Variants in PRSS38 observed in about 807,000 individuals in gnomAD.
PRSS38 encodes marapsin 2.
In PRSS38, 22 loss-of-function variants were observed where a neutral mutation model predicts 26.8. The ratio of observed to expected loss-of-function variants is 0.82; its 90% CI spans 0.59 to 1.17. The LOEUF is 1.17. Among genes scored for constraint, PRSS38 ranks in the 50% most tolerant of loss-of-function variants. The probability of loss-of-function intolerance (pLI) is 0.00; values close to 1 mark genes in which losing one functional copy is unlikely to be tolerated. For missense variants in PRSS38, 427 were observed against 422.7 expected, an observed-to-expected ratio of 1.01 and a Z score of -0.09; for synonymous variants, 175 against 172.1, an observed-to-expected ratio of 1.02 and a Z score of -0.13.
At position 227,835,874 on chromosome 1, in the gene PRSS38, G is replaced by A. The variant is rs1665231260; in HGVS notation, c.584-9596G>A. Among the ~76,000 whole-genome samples, 3 of 152,170 alleles carry A rather than the reference G, an allele frequency of 2.0e-5. No individual in the cohort carries two copies. In the South Asian group the frequency reaches 6.2e-4, roughly 32 times the overall value. ...ATAATGATTATATGGCATTGTGAATGTACTAAATGCCACTGATTTGTCTGC... is the reference window on the plus strand; with the variant it reads ...ATAATGATTATATGGCATTGTGAATATACTAAATGCCACTGATTTGTCTGC... On this transcript the variant is annotated intron_variant, in intron 3 of 4. Transcript: ENST00000366757.
At chr1:227,836,977 A>G (rs1185163533) in intron 3 of PRSS38, among the ~76,000 whole-genome samples, 3 of 152,076 alleles carry the variant, frequency 2.0e-5, no homozygotes, top group Non-Finnish European at 4.4e-5. Flanking sequence ...CATTTTATTT[A>G]TATATTTATT....
intron 3 of PRSS38, among the ~76,000 whole-genome samples, chr1:227,819,494 T>G (rs1426697519): frequency 1.3e-5 from 2 of 152,196 alleles, no homozygotes; most frequent in African/African-American, 4.8e-5. Context: ...GGACAAAATT[T>G]TTCATATCTA....
At chr1:227,826,835 T>C (rs941069612) in intron 3 of PRSS38, among the ~76,000 whole-genome samples, 1 of 152,220 alleles carries the variant, frequency 6.6e-6, no homozygotes, top group African/African-American at 2.4e-5. Flanking sequence ...CATATATGGC[T>C]CTTATTTTGA....
intron 3 of PRSS38, among the ~76,000 whole-genome samples, chr1:227,833,289 A>T (rs553092144): frequency 6.6e-6 from 1 of 152,226 alleles, no homozygotes; most frequent in Non-Finnish European, 1.5e-5. Context: ...GCACTTTGGG[A>T]GGCCGAGGTG....
At chr1:227,824,904 T>TATTA (rs367902653) in intron 3 of PRSS38, among the ~76,000 whole-genome samples, 201 of 152,348 alleles carry the variant, frequency 1.3e-3, no homozygotes, top group African/African-American at 4.5e-3. Context: ...TTGCTACTTT[T>TATTA]TAATGGGGCT....
chr1:227,833,836 G>A (rs542442122), intron 3 of PRSS38, among the ~76,000 whole-genome samples: 3 of 152,272 alleles, frequency 2.0e-5, no homozygotes, highest in East Asian at 1.9e-4. Flanking sequence ...ATATCAACTC[G>A]AAGTATAAAA....
chr1:227,844,232 T>G (rs902529109), intron 3 of PRSS38, among the ~76,000 whole-genome samples: 1 of 152,128 alleles, frequency 6.6e-6, no homozygotes, highest in African/African-American at 2.4e-5. Flanking sequence ...GTGGTGGGGA[T>G]CCTCCCCAGT....
At chr1:227,835,816 G>A (rs1665230588) in intron 3 of PRSS38, among the ~76,000 whole-genome samples, 2 of 152,180 alleles carry the variant, frequency 1.3e-5, no homozygotes, top group African/African-American at 4.8e-5. Context: ...GGTGACTTTT[G>A]GCTTGATGAA....
rs185443513 is a variant in PRSS38 at position 227,819,414 on chromosome 1, T to C, written c.583+1934T>C. Among the ~76,000 whole-genome samples the C allele has an allele frequency of 1.3e-3, 205 of 152,360 alleles. 1 individual carries two copies. Among genetic ancestry groups the C allele is most frequent in the African/African-American group, 4.7e-3 (195 of 41,596 alleles). On this transcript the variant is annotated intron_variant, in intron 3 of 4. Coordinates refer to ENST00000366757, the Ensembl canonical transcript of PRSS38. ...GGTCATGTTACAGGCTTTGAATTCT[T>C]ACATATTTGTTATTCGTTTCTCAAA...
chr1:227,821,425 C>T (rs1558232771), intron 3 of PRSS38, among the ~76,000 whole-genome samples: 1 of 152,128 alleles, frequency 6.6e-6, no homozygotes. Context: ...TTTACCTTTA[C>T]CAAAGTCCTT....
chr1:227,818,522 T>A (rs1392682453), intron 3 of PRSS38, among the ~76,000 whole-genome samples: 1 of 151,848 alleles, frequency 6.6e-6, no homozygotes, highest in Non-Finnish European at 1.5e-5. Context: ...CTACAAAAAA[T>A]GCTGACTTAG....
chr1:227,825,632 G>A (rs923125628), intron 3 of PRSS38, among the ~76,000 whole-genome samples: 2 of 152,208 alleles, frequency 1.3e-5, no homozygotes, highest in African/African-American at 4.8e-5. Flanking sequence ...TTATTAAATA[G>A]AGAATCCTTT....
chr1:227,821,353 A>G (rs1287308789), intron 3 of PRSS38, among the ~76,000 whole-genome samples: 1 of 152,130 alleles, frequency 6.6e-6, no homozygotes. Context: ...ATATGCATGC[A>G]TGTATCTTTA....
chr1:227,825,011 C>T lies in PRSS38; in HGVS notation c.583+7531C>T, dbSNP rs1665051582. 2.0e-5 allele frequency among the ~76,000 whole-genome samples: 3 copies of T among 152,178 alleles called. No homozygotes were observed. In the South Asian group the frequency reaches 6.2e-4, roughly 32 times the overall value. ...TAGATTGCAAAATTTTTCTCCCATT[C>T]TGTAGGTTGTCTGTTCACTCTGATG... On this transcript the variant is annotated intron_variant, in intron 3 of 4. Coordinates refer to ENST00000366757, the Ensembl canonical transcript of PRSS38.
chr1:227,839,541 A>T (rs1432973391), intron 3 of PRSS38, among the ~76,000 whole-genome samples: 1 of 152,094 alleles, frequency 6.6e-6, no homozygotes, highest in Non-Finnish European at 1.5e-5. Flanking sequence ...TAACTGAAAA[A>T]CAAATTTTTA....
At chr1:227,825,971 C>T (rs1158377537) in intron 3 of PRSS38, among the ~76,000 whole-genome samples, 1 of 152,124 alleles carries the variant, frequency 6.6e-6, no homozygotes, top group Non-Finnish European at 1.5e-5. Flanking sequence ...TTACTTTAGG[C>T]AATATGGTCA....
intron 3 of PRSS38, among the ~76,000 whole-genome samples, chr1:227,819,482 T>C (rs1175446965): frequency 6.6e-6 from 1 of 152,196 alleles, no homozygotes; most frequent in Non-Finnish European, 1.5e-5. Context: ...TCCAAAAGTA[T>C]AGGACAAAAT....
chr1:227,824,862 G>A (rs1665049226), intron 3 of PRSS38, among the ~76,000 whole-genome samples: 1 of 152,084 alleles, frequency 6.6e-6, no homozygotes, highest in Non-Finnish European at 1.5e-5. Context: ...CTGTATGTAT[G>A]TCTTCTTTTG....
intron 3 of PRSS38, among the ~76,000 whole-genome samples, chr1:227,840,883 C>G (rs932852254): frequency 1.3e-4 from 20 of 152,170 alleles, no homozygotes; most frequent in African/African-American, 4.8e-4. Context: ...CACTTCATCC[C>G]CCAAGCCACC....
Sources: gnomAD v4.1 joint callset for allele counts (sites outside exome capture counted in the v4.1 genomes callset) on GRCh38, gnomAD v4.1.1 for gene constraint, MANE v1.5 for transcripts, NCBI Gene and HGNC (gene_info 2026-07-23, HGNC 2026-07-21) for gene names.